The following EFCAB9 variants were observed in gnomAD, a reference collection of about 807,000 sequenced individuals.
EFCAB9 encodes the protein EF-hand calcium-binding domain-containing protein 9.
Under a neutral mutation model 15.6 loss-of-function variants are expected in EFCAB9, and 16 were observed. The ratio of observed to expected loss-of-function variants is 1.03; its 90% CI spans 0.69 to 1.56. The LOEUF is 1.56. Among genes scored for constraint, EFCAB9 ranks in the 40% most tolerant of loss-of-function variants. EFCAB9 has a pLI of 0.00. For missense variants in EFCAB9, 208 were observed against 235.4 expected, an observed-to-expected ratio of 0.88 and a Z score of 0.76; for synonymous variants, 76 against 85.4, an observed-to-expected ratio of 0.89 and a Z score of 0.61.
In EFCAB9 at chr5:172,203,202, CCCT is replaced by C. The variant is rs200855119; in HGVS notation, c.463-11_463-9del. On this transcript the variant is annotated splice_polypyrimidine_tract_variant and intron_variant, in intron 3 of 3. Transcript: ENST00000398186. ...TGAAATAATTTTTCTTTCCCCCCCA[CCCT>C]AACCAAAGCGTCTTAATTATCAGGA... 1.9e-4 allele frequency: 192 copies of C among 1,020,154 alleles called. 2 individuals carry two copies. In the Admixed American group the frequency reaches 2.0e-3, roughly 11 times the overall value. The allele number at this position is 1,020,154 out of a possible 1,614,324, so 63.2% of individuals were successfully genotyped here. A position where few individuals can be genotyped will look rare whatever the true frequency, so the allele number is the denominator to read the frequency against.
intron 1 of EFCAB9, among the ~76,000 whole-genome samples, chr5:172,194,554 C>T (rs1342898034): frequency 1.3e-5 from 2 of 152,138 alleles, no homozygotes; most frequent in African/African-American, 4.8e-5. Context: ...TGTCTGCCAC[C>T]ACGCCTGGCT....
chr5:172,200,568 C>A lies in EFCAB9; in HGVS notation c.288C>A (p.Asn96Lys). Reference sequence around the variant, plus strand: ...CTCACCTATTTCTCTCGCAATAGAACCATTTGGAAGGACAGTTTATGTATC... The same window carrying A: ...CTCACCTATTTCTCTCGCAATAGAAACATTTGGAAGGACAGTTTATGTATC... ...MLVCMLLAHQ[N>K]HLEGQFMYRH... Residue 96 changes from asparagine to lysine, a missense_variant and splice_region_variant, in exon 3 of 4, where the codon AAC (asparagine) becomes AAA (lysine). Transcript: ENST00000398186. 6.5e-7 allele frequency: 1 copy of A among 1,535,028 alleles called. No individual in the cohort carries two copies. Among genetic ancestry groups the A allele is most frequent in the Non-Finnish European group, 8.7e-7 (1 of 1,146,058 alleles).
At chr5:172,198,244 C>A (rs1259701307) in intron 1 of EFCAB9, among the ~76,000 whole-genome samples, 1 of 152,154 alleles carries the variant, frequency 6.6e-6, no homozygotes, top group East Asian at 1.9e-4. Context: ...TGCACTGGCT[C>A]ACACCTATAA....
chr5:172,203,415 GT>G lies in EFCAB9; in HGVS notation c.*72del. The G allele has an allele frequency of 6.9e-7, 1 of 1,446,958 alleles. No individual in the cohort carries two copies. Among genetic ancestry groups the G allele is most frequent in the Non-Finnish European group, 9.1e-7 (1 of 1,102,842 alleles). The allele number at this position is 1,446,958 out of a possible 1,614,324, so 89.6% of individuals were successfully genotyped here. ...CAGAACATGAACATTGATGAAGACT[GT>G]TAACATGTCTAAAAATAAATTCAGA... On this transcript the variant is annotated 3_prime_UTR_variant, in exon 4 of 4. Coordinates refer to ENST00000398186, the MANE Select transcript of EFCAB9 (RefSeq NM_001171183.2).
chr5:172,203,062 C>A (rs111710772), intron 3 of EFCAB9, among the ~76,000 whole-genome samples, 152 bp from the exon 4 acceptor site: 1 of 152,170 alleles, frequency 6.6e-6, no homozygotes, highest in East Asian at 1.9e-4. Context: ...CCTGGGTACT[C>A]GACTACAATC....
At chr5:172,202,332 C>CAAAAAAAAAAAAA (rs10690291) in intron 3 of EFCAB9, among the ~76,000 whole-genome samples, 10 of 73,354 alleles carry the variant, frequency 1.4e-4, no homozygotes, top group Admixed American at 3.2e-4. Context: ...GACTTCATCT[C>CAAAAAAAAAAAAA]AAAAAAAAAA....
intron 1 of EFCAB9, among the ~76,000 whole-genome samples, chr5:172,196,627 C>T (rs989713642): frequency 6.6e-6 from 1 of 152,128 alleles, no homozygotes; most frequent in Non-Finnish European, 1.5e-5. Context: ...CCTCCTGCCT[C>T]GGCCTCCCAA....
chr5:172,196,566 A>G (rs10042712), intron 1 of EFCAB9, among the ~76,000 whole-genome samples: 10,252 of 151,842 alleles, frequency 0.068, 1,140 homozygotes, highest in African/African-American at 0.23. Context: ...AGTAGAGACG[A>G]GGTTTCTCCA....
intron 3 of EFCAB9, among the ~76,000 whole-genome samples, 170 bp from the exon 4 acceptor site, chr5:172,203,042 ACT>A (rs754384716): frequency 7.9e-5 from 12 of 151,986 alleles, no homozygotes; most frequent in East Asian, 5.8e-4. Context: ...TCTACAATAG[ACT>A]CTCTATTCCT....
intron 2 of EFCAB9, among the ~76,000 whole-genome samples, chr5:172,200,050 C>T (rs1771231282): frequency 6.7e-6 from 1 of 149,014 alleles, no homozygotes; most frequent in African/African-American, 2.5e-5. Flanking sequence ...GATCAAGTAG[C>T]TGGGACTACA....
intron 1 of EFCAB9, among the ~76,000 whole-genome samples, chr5:172,197,227 C>A (rs993701262): frequency 6.6e-6 from 1 of 152,118 alleles, no homozygotes; most frequent in African/African-American, 2.4e-5. Context: ...CCTGCCTCAG[C>A]CTCCCGAGTA....
At chr5:172,196,261 A>C (rs1247285854) in intron 1 of EFCAB9, among the ~76,000 whole-genome samples, 1 of 152,216 alleles carries the variant, frequency 6.6e-6, no homozygotes, top group Non-Finnish European at 1.5e-5. Flanking sequence ...GTGGAGAAGG[A>C]ACATCAAGAG....
rs1173130025 is a variant in EFCAB9 at position 172,203,299 on chromosome 5, A to T, written c.548A>T (p.Lys183Ile). The change falls in exon 4 of 4, where the codon AAA becomes ATA. Residue 183 changes from lysine (K) to isoleucine (I), a missense_variant. Transcript: ENST00000398186. ...AGGCAGAAAACAGAGGAGAAAGAAA[A>T]AGGAGAGAGAAAGAGAAGTCTCTAC... ...QKRQKTEEKE[K>I]GERKRSLYSK... The T allele has an allele frequency of 6.5e-7, 1 of 1,536,910 alleles. No homozygotes were observed.
At chr5:172,195,721 T>C (rs1333776564) in intron 1 of EFCAB9, among the ~76,000 whole-genome samples, 4 of 152,242 alleles carry the variant, frequency 2.6e-5, no homozygotes, top group Non-Finnish European at 4.4e-5. Context: ...ACAGCCTTAA[T>C]GTTTGCCTTC....
chr5:172,194,210 A>C lies in EFCAB9; in HGVS notation c.38A>C (p.Tyr13Ser), dbSNP rs17074410. 1.3e-6 allele frequency: 2 copies of C among 1,537,584 alleles called. No homozygotes were observed. The highest frequency in any genetic ancestry group is 1.7e-6 in the Non-Finnish European group (2 of 1,146,990). ...CAAGGATCGTTTCTGTGGTACCTCT[A>C]TCTGGACAAAATATACTGCTTATTA... ...LKQGSFLWYLYLDKIYCLLSV... is the reference protein window; with the variant it reads ...LKQGSFLWYLSLDKIYCLLSV... The change falls in exon 1 of 4, where the codon TAT becomes TCT. Residue 13 changes from tyrosine (Y) to serine (S), a missense_variant. By Grantham distance (144) the Tyr-to-Ser change is moderately radical. Coordinates refer to ENST00000398186, the MANE Select transcript of EFCAB9 (RefSeq NM_001171183.2).
intron 1 of EFCAB9, among the ~76,000 whole-genome samples, chr5:172,196,658 G>C (rs185111140): frequency 1.4e-4 from 21 of 152,184 alleles, no homozygotes; most frequent in Middle Eastern, 3.4e-3. Flanking sequence ...TTACAGGTGT[G>C]ACCCACCGCA....
chr5:172,194,869 G>C (rs1180400150), intron 1 of EFCAB9, among the ~76,000 whole-genome samples: 1 of 151,842 alleles, frequency 6.6e-6, no homozygotes, highest in Non-Finnish European at 1.5e-5. Flanking sequence ...CCCTCTCTAA[G>C]TCTCATTTTC....
chr5:172,195,838 C>T (rs1771149968), intron 1 of EFCAB9, among the ~76,000 whole-genome samples: 1 of 152,114 alleles, frequency 6.6e-6, no homozygotes, highest in South Asian at 2.1e-4. Flanking sequence ...GACGGAGTCT[C>T]GCTCTGTCGC....
intron 1 of EFCAB9, among the ~76,000 whole-genome samples, chr5:172,196,794 C>T (rs892823093): frequency 2.6e-5 from 4 of 152,098 alleles, no homozygotes; most frequent in Non-Finnish European, 5.9e-5. Context: ...TGTAGACAGC[C>T]ACACACCACT....
Sources: allele counts gnomAD v4.1 joint callset (sites outside exome capture counted in the v4.1 genomes callset), GRCh38; gene constraint gnomAD v4.1.1; transcripts MANE v1.5; gene names NCBI Gene and HGNC (gene_info 2026-07-23, HGNC 2026-07-21).